HBS1L: variants seen among roughly 807,000 people sequenced by gnomAD.
The protein encoded by HBS1L is HBS1 like translational GTPase, also known as HBS1-like protein.
Under a neutral mutation model 88.9 loss-of-function variants are expected in HBS1L, and 55 were observed. That is an observed-to-expected ratio of 0.62 (90% CI 0.50 to 0.77). The LOEUF (loss-of-function observed/expected upper bound fraction) is 0.77. Among genes scored for constraint, HBS1L ranks in the 30% least tolerant of loss-of-function variants. The pLI is 0.00. For synonymous variants in HBS1L, 267 were observed against 288.5 expected (o/e 0.93, Z 0.76); for missense variants, 741 against 829.3 (o/e 0.89, Z 1.31).
chr6:135,047,029 A>C (rs1776934409), intron 2 of HBS1L, among the ~76,000 whole-genome samples: 6 of 152,234 alleles, frequency 3.9e-5, no homozygotes, highest in Admixed American at 1.3e-4. Context: ...ACATTTAACT[A>C]TCTCCTGCTT....
At position 134,961,030 on chromosome 6, in the gene HBS1L, GTCT is replaced by G. The variant is rs1297493621; in HGVS notation, c.*4246_*4248del. ...ATTTACTGTAATAATCACAACCTTT[GTCT>G]TCATTTAATTTTCTTGTTTCCTTTC... is the stretch of plus-strand genomic sequence containing the variant. On this transcript the variant is annotated 3_prime_UTR_variant, in exon 18 of 18. Transcript: ENST00000367837. 3 of 140,444 alleles carry G rather than the reference GTCT, an allele frequency of 2.1e-5. No homozygotes were observed. Among genetic ancestry groups the G allele is most frequent in the Non-Finnish European group, 4.7e-5 (3 of 64,358 alleles). 8.7% of individuals were successfully genotyped at this position (140,444 alleles called of 1,614,324 possible). A position where few individuals can be genotyped will look rare whatever the true frequency, so the allele number is the denominator to read the frequency against.
At chr6:135,021,313 A>G (rs1776064506) in intron 4 of HBS1L, among the ~76,000 whole-genome samples, 2 of 152,044 alleles carry the variant, frequency 1.3e-5, no homozygotes, top group African/African-American at 2.4e-5. Context: ...TTTCTCTTAA[A>G]TTGGTTCTCA....
At chr6:135,048,165 A>G (rs1776969772) in intron 2 of HBS1L, among the ~76,000 whole-genome samples, 1 of 152,220 alleles carries the variant, frequency 6.6e-6, no homozygotes, top group African/African-American at 2.4e-5. Flanking sequence ...GGAAAGCCAG[A>G]GAAGGCAGGC....
At chr6:135,035,078 G>C (rs11754265) in intron 4 of HBS1L, among the ~76,000 whole-genome samples, 86,933 of 152,082 alleles carry the variant, frequency 0.57, 25,614 homozygotes, top group African/African-American at 0.73. Context: ...TATTGATCCT[G>C]CATTGCTGAA....
chr6:135,010,358 T>C (rs953225479), intron 4 of HBS1L, among the ~76,000 whole-genome samples: 10 of 152,194 alleles, frequency 6.6e-5, no homozygotes, highest in African/African-American at 1.4e-4. Context: ...GAAATTCTCA[T>C]ACAAAACTAA....
At chr6:134,990,693 G>A (rs916559447) in intron 8 of HBS1L, among the ~76,000 whole-genome samples, 2 of 152,140 alleles carry the variant, frequency 1.3e-5, no homozygotes, top group Non-Finnish European at 2.9e-5. Flanking sequence ...TGAGGCTACA[G>A]GCACCTGCCA....
intron 4 of HBS1L, among the ~76,000 whole-genome samples, chr6:135,032,780 C>T (rs1032465005): frequency 6.6e-6 from 1 of 152,160 alleles, no homozygotes; most frequent in Non-Finnish European, 1.5e-5. Context: ...CAATTAGTTA[C>T]ATGACCTCCC....
At chr6:135,012,616 T>A (rs1775807665) in intron 4 of HBS1L, among the ~76,000 whole-genome samples, 2 of 152,170 alleles carry the variant, frequency 1.3e-5, no homozygotes, top group African/African-American at 4.8e-5. Context: ...CTTGTAAATT[T>A]AGTCTTTAAC....
intron 15 of HBS1L, among the ~76,000 whole-genome samples, chr6:134,976,523 T>C (rs965442300): frequency 1.3e-5 from 2 of 152,058 alleles, no homozygotes; most frequent in Non-Finnish European, 2.9e-5. Flanking sequence ...CATCAACCAA[T>C]GAGTGGATAG....
rs1775329347 is a variant in HBS1L at position 134,997,625 on chromosome 6, G to A, written c.571C>T (p.His191Tyr). ...VSSEENGHSF[H>Y]TPQKGPPIED... ...ATGGGCGGTCCTTTTTGAGGTGTGT[G>A]GAAACTATGACCATTTTCTTCAGAA... is the stretch of plus-strand genomic sequence containing the variant. Residue 191 changes from histidine (H) to tyrosine (Y), a missense_variant, in exon 6 of 18, where the codon CAC (histidine) becomes TAC (tyrosine). Around this residue, in one of 3 missense-constraint regions of HBS1L, gnomAD observed 556 missense variants for 598.4 expected, o/e 0.93. Transcript: ENST00000367837. The A allele has an allele frequency of 6.2e-7, 1 of 1,613,788 alleles. No individual in the cohort carries two copies. The highest frequency in any genetic ancestry group is 2.2e-5 in the East Asian group (1 of 44,886).
At chr6:135,026,085 T>C (rs1224598649) in intron 4 of HBS1L, among the ~76,000 whole-genome samples, 2 of 152,194 alleles carry the variant, frequency 1.3e-5, no homozygotes, top group Non-Finnish European at 2.9e-5. Flanking sequence ...CAATTTGTCA[T>C]GCAAATATAG....
chr6:135,005,941 C>A (rs1029847934), intron 4 of HBS1L, among the ~76,000 whole-genome samples: 9 of 152,058 alleles, frequency 5.9e-5, no homozygotes, highest in African/African-American at 2.2e-4. Flanking sequence ...GTAACTGCTG[C>A]GCAAAAAGAG....
intron 4 of HBS1L, among the ~76,000 whole-genome samples, chr6:135,029,647 C>T (rs1347132749): frequency 6.6e-6 from 1 of 152,030 alleles, no homozygotes; most frequent in African/African-American, 2.4e-5. Flanking sequence ...CAATATCTAT[C>T]CAAAACTTTC....
chr6:135,039,960 C>T lies in HBS1L; in HGVS notation c.236-193G>A, dbSNP rs377313265. 2.6e-5 allele frequency among the ~76,000 whole-genome samples: 4 copies of T among 152,238 alleles called. No individual in the cohort carries two copies. In the East Asian group the frequency reaches 5.8e-4, roughly 22 times the overall value. ...TCTTCCCTTATCCAAGGAACGATTT[C>T]GTTAATTTAAAAATCACTATAATAA... On this transcript the variant is annotated intron_variant, in intron 3 of 17. Coordinates refer to ENST00000367837, the MANE Select transcript of HBS1L (RefSeq NM_006620.4).
At chr6:135,043,921 G>A (rs550565472) in intron 2 of HBS1L, among the ~76,000 whole-genome samples, 2 of 152,124 alleles carry the variant, frequency 1.3e-5, no homozygotes, top group South Asian at 4.2e-4. Context: ...TCAAAGTTTT[G>A]CATCACTGCA....
chr6:135,037,034 C>G, intron 4 of HBS1L: 1 of 1,551,654 alleles, frequency 6.4e-7, no homozygotes, highest in Non-Finnish European at 8.7e-7. Flanking sequence ...AAACTGACCT[C>G]AAAGGACTCT....
chr6:134,979,949 CATCT>C (rs1454183645), intron 13 of HBS1L, among the ~76,000 whole-genome samples: 1 of 152,014 alleles, frequency 6.6e-6, no homozygotes, highest in Non-Finnish European at 1.5e-5. Context: ...TAGAGATATA[CATCT>C]ATTTACCTAG....
At chr6:134,985,294 G>C (rs1474386394) in intron 12 of HBS1L, 47 bp downstream of exon 12, 2 of 1,252,088 alleles carry the variant, frequency 1.6e-6, no homozygotes, top group Non-Finnish European at 2.3e-6. Flanking sequence ...AGGAGGGAAT[G>C]GGGAAAAGGG....
rs189640662 is a variant in HBS1L, at chr6:135,001,432, A to T, written c.539+1302T>A. On this transcript the variant is annotated intron_variant, in intron 5 of 17. Transcript: ENST00000367837. ...GACTTCTGAAAAATCTTTTGTACTA[A>T]GATTATAAAATCCTTAGAACAATAA... 3.2e-4 allele frequency among the ~76,000 whole-genome samples: 48 copies of T among 152,246 alleles called. 1 individual carries two copies. In the East Asian group the frequency reaches 8.9e-3, roughly 28 times the overall value.
Sources: gnomAD v4.1 joint callset for allele counts (sites outside exome capture counted in the v4.1 genomes callset) on GRCh38, gnomAD v4.1.1 for gene constraint, gnomAD v4.1.1 regional missense constraint, MANE v1.5 for transcripts, NCBI Gene and HGNC (gene_info 2026-07-23, HGNC 2026-07-21) for gene names.